RGS6: variants seen among roughly 807,000 people sequenced by gnomAD.
RGS6 encodes regulator of G-protein signaling 6.
RGS6 carries 30 observed loss-of-function variants against 78.5 expected under a neutral mutation model. That is an observed-to-expected ratio of 0.38 (90% CI 0.29 to 0.52). The LOEUF is 0.52. RGS6 is among the 20% of genes least tolerant of loss of function. The probability of loss-of-function intolerance (pLI) is 0.85; values close to 1 mark genes in which losing one functional copy is unlikely to be tolerated. For synonymous variants in RGS6, 206 were observed against 206.0 expected, an observed-to-expected ratio of 1.00 and a Z score of 0.00; for missense variants, 495 against 609.7, an observed-to-expected ratio of 0.81 and a Z score of 1.98.
At chr14:72,502,476 A>T (rs1270717112) in intron 13 of RGS6, among the ~76,000 whole-genome samples, 1 of 152,158 alleles carries the variant, frequency 6.6e-6, no homozygotes, top group Non-Finnish European at 1.5e-5. Flanking sequence ...ACACAGCGTA[A>T]ATAACTGGGC....
intron 3 of RGS6, among the ~76,000 whole-genome samples, chr14:72,439,135 C>G (rs2095075051): frequency 6.6e-6 from 1 of 152,238 alleles, no homozygotes; most frequent in Admixed American, 6.5e-5. Flanking sequence ...AACTCCCATT[C>G]TAGCTTCATT....
At chr14:72,230,566 A>G (rs2049300757) in intron 2 of RGS6, among the ~76,000 whole-genome samples, 1 of 152,136 alleles carries the variant, frequency 6.6e-6, no homozygotes, top group Non-Finnish European at 1.5e-5. Flanking sequence ...AGTAGGATGG[A>G]TATATATGCG....
rs369838362 is a variant in RGS6, at chr14:72,565,695, C to T, written c.*3228C>T. Reference sequence around the variant, plus strand: ...CATGCTCCAGGGGCTTCTTCCCTGGCAGGATTCCTGGGATTTCAAACTACC... The same window carrying T: ...CATGCTCCAGGGGCTTCTTCCCTGGTAGGATTCCTGGGATTTCAAACTACC... On this transcript the variant is annotated 3_prime_UTR_variant, in exon 18 of 18. Transcript: ENST00000553525. 6.6e-6 allele frequency: 1 copy of T among 152,204 alleles called. No homozygotes were observed. The highest frequency in any genetic ancestry group is 1.5e-5 in the Non-Finnish European group (1 of 68,052). 9.4% of individuals were successfully genotyped at this position (152,204 alleles called of 1,614,324 possible).
chr14:72,236,149 A>G (rs960982661), intron 2 of RGS6, among the ~76,000 whole-genome samples: 2 of 152,194 alleles, frequency 1.3e-5, no homozygotes, highest in Non-Finnish European at 2.9e-5. Context: ...GATGTTTCCA[A>G]CATTCTATTA....
chr14:72,255,861 TAGAA>T (rs576781258), intron 2 of RGS6, among the ~76,000 whole-genome samples: 77 of 152,390 alleles, frequency 5.1e-4, no homozygotes, highest in Non-Finnish European at 8.1e-4. Flanking sequence ...AGTGATAACT[TAGAA>T]AGAAAGTATT....
chr14:71,933,602 T>G (rs1396060048), intron 1 of RGS6, among the ~76,000 whole-genome samples: 1 of 152,168 alleles, frequency 6.6e-6, no homozygotes, highest in East Asian at 1.9e-4. Flanking sequence ...AAATTTAGTT[T>G]TGTTCAGAAT....
At chr14:72,443,053 G>A (rs1181021289) in intron 3 of RGS6, among the ~76,000 whole-genome samples, 1 of 152,200 alleles carries the variant, frequency 6.6e-6, no homozygotes, top group Non-Finnish European at 1.5e-5. Context: ...CAAAGGCCTG[G>A]GGAGATGGGG....
At chr14:72,045,817 A>G (rs2092788413) in intron 2 of RGS6, among the ~76,000 whole-genome samples, 1 of 151,534 alleles carries the variant, frequency 6.6e-6, no homozygotes, top group South Asian at 2.1e-4. Context: ...TTTGGATTCC[A>G]CTCTGGAGAG....
chr14:72,281,095 C>T (rs776342456), intron 2 of RGS6, among the ~76,000 whole-genome samples: 1 of 145,010 alleles, frequency 6.9e-6, no homozygotes, highest in Non-Finnish European at 1.5e-5. Flanking sequence ...TATTAACGGA[C>T]AAATAAGGCA....
intron 2 of RGS6, among the ~76,000 whole-genome samples, chr14:72,189,660 C>T (rs1013877062): frequency 2.0e-5 from 3 of 152,108 alleles, no homozygotes; most frequent in Admixed American, 1.3e-4. Flanking sequence ...AATAGATTTT[C>T]GGTGGTCAGT....
At chr14:72,133,258 G>A (rs1272484291) in intron 2 of RGS6, among the ~76,000 whole-genome samples, 1 of 151,796 alleles carries the variant, frequency 6.6e-6, no homozygotes, top group Non-Finnish European at 1.5e-5. Context: ...ACCTTGCCTT[G>A]CTCCTCCACA....
chr14:72,615,948 A>G, the RGS6 span, among the ~76,000 whole-genome samples: 1 of 152,244 alleles, frequency 6.6e-6, no homozygotes, highest in Non-Finnish European at 1.5e-5. Flanking sequence ...GCCACAGTAC[A>G]GAGGGGTGAA....
intron 14 of RGS6, among the ~76,000 whole-genome samples, chr14:72,516,395 G>A (rs553594541): frequency 5.3e-5 from 8 of 152,286 alleles, no homozygotes; most frequent in Middle Eastern, 3.4e-3. Flanking sequence ...AATGAGGTAG[G>A]GGAACAGCTC....
intron 2 of RGS6, among the ~76,000 whole-genome samples, chr14:72,296,785 G>A (rs1212083024): frequency 6.6e-6 from 1 of 152,026 alleles, no homozygotes; most frequent in African/African-American, 2.4e-5. Flanking sequence ...TTTAAATTTT[G>A]CAGTTAAATT....
chr14:72,503,231 C>T (rs1206074781), intron 13 of RGS6, among the ~76,000 whole-genome samples: 1 of 152,148 alleles, frequency 6.6e-6, no homozygotes, highest in Admixed American at 6.5e-5. Flanking sequence ...CTCCCAAAAC[C>T]ATCACATTAG....
chr14:72,426,432 C>A (rs2094437379), intron 3 of RGS6, among the ~76,000 whole-genome samples: 1 of 152,180 alleles, frequency 6.6e-6, no homozygotes, highest in African/African-American at 2.4e-5. Flanking sequence ...AGGTGTAGAG[C>A]AAACTATTTT....
At chr14:71,995,033 C>T (rs945835317) in intron 2 of RGS6, among the ~76,000 whole-genome samples, 2 of 152,114 alleles carry the variant, frequency 1.3e-5, no homozygotes, top group African/African-American at 2.4e-5. Flanking sequence ...AACAGAGTCA[C>T]CAAAGAGCTG....
Position 72,148,822 on chromosome 14 carries a change from G to A in RGS6, c.84+183947G>A, listed in dbSNP as rs142027296. On this transcript the variant is annotated intron_variant, in intron 2 of 17. Transcript: ENST00000553525. ...GGTTGAATTCAAAGTATAGTATGGT[G>A]TCATAAAGTAAGCTGTTGTTACATA... Among the ~76,000 whole-genome samples the A allele has an allele frequency of 5.2e-3, 794 of 152,298 alleles. 8 individuals carry two copies. Among genetic ancestry groups the A allele is most frequent in the African/African-American group, 0.018 (764 of 41,556 alleles).
intron 3 of RGS6, among the ~76,000 whole-genome samples, chr14:72,383,676 G>C (rs1020073673): frequency 6.6e-6 from 1 of 152,068 alleles, no homozygotes; most frequent in African/African-American, 2.4e-5. Context: ...TTCATCTTCA[G>C]TACTAATTTC....
Sources: gnomAD v4.1 joint callset for allele counts (sites outside exome capture counted in the v4.1 genomes callset) on GRCh38, gnomAD v4.1.1 for gene constraint, MANE v1.5 for transcripts, NCBI Gene and HGNC (gene_info 2026-07-23, HGNC 2026-07-21) for gene names.